The following AASS variants were observed in gnomAD, a reference collection of about 807,000 sequenced individuals.
AASS encodes the protein aminoadipate-semialdehyde synthase, also known as alpha-aminoadipic semialdehyde synthase, mitochondrial.
Under a neutral mutation model 105.4 loss-of-function variants are expected in AASS, and 86 were observed. The ratio of observed to expected loss-of-function variants is 0.82; its 90% confidence interval spans 0.69 to 0.98. The LOEUF is 0.98. AASS is among the 50% of genes least tolerant of loss of function. The pLI is 0.00. For synonymous variants in AASS, 381 were observed against 394.8 expected (o/e 0.96, Z 0.41); for missense variants, 1,048 against 1,143.2 (o/e 0.92, Z 1.20).
rs1793101877 is a variant in AASS at position 122,077,896 on chromosome 7, T to C, written c.2604A>G (p.Ser868=). The change falls in exon 23 of 24, where the codon TCA becomes TCG. Residue 868 remains serine, a synonymous_variant. Transcript: ENST00000417368. ...LVAYGDINGF[S]AMAKTVGLPT... ...GTAACCCCACGGTTTTAGCCATGGC[T>C]GAAAAGCCATTGATGTCCCCATAAG... The C allele has an allele frequency of 6.2e-7, 1 of 1,614,212 alleles. No homozygotes were observed. Among genetic ancestry groups the C allele is most frequent in the Middle Eastern group, 1.6e-4 (1 of 6,062 alleles).
rs1400651582 is a variant in AASS at position 122,127,736 on chromosome 7, C to T, written c.388-1277G>A. On this transcript the variant is annotated intron_variant, in intron 3 of 23. Transcript: ENST00000417368. ...ACCCTCCAATCCTCTGCCCTAATCT[C>T]GGATCCTAGCTCTAACATCTGGAAG... Among the ~76,000 whole-genome samples the T allele has an allele frequency of 8.5e-5, 13 of 152,214 alleles. No individual in the cohort carries two copies. The East Asian group carries it at 1.5e-3, about 18-fold the overall frequency.
At chr7:122,087,309 AAAGGGCTATGCT>A (rs1793677630) in intron 18 of AASS, among the ~76,000 whole-genome samples, 1 of 152,176 alleles carries the variant, frequency 6.6e-6, no homozygotes, top group African/African-American at 2.4e-5. Flanking sequence ...CCCAGAAAGA[AAAGGGCTATGCT>A]GACTGCAATG....
At chr7:122,111,484 T>C (rs150716014) in intron 11 of AASS, among the ~76,000 whole-genome samples, 42 of 152,246 alleles carry the variant, frequency 2.8e-4, no homozygotes, top group African/African-American at 9.4e-4. Flanking sequence ...CAAAGGGAAA[T>C]GAATGAAGAA....
intron 15 of AASS, among the ~76,000 whole-genome samples, chr7:122,093,751 AGT>A (rs1394608795): frequency 5.9e-5 from 9 of 152,128 alleles, no homozygotes; most frequent in Non-Finnish European, 1.3e-4. Context: ...TCAAGGCTGC[AGT>A]GAGTTGAGAT....
At position 122,113,212 on chromosome 7, in the gene AASS, A is replaced by T. The variant is rs1795015542; in HGVS notation, c.1184T>A (p.Ile395Asn). 2 of 1,614,014 alleles carry T rather than the reference A, an allele frequency of 1.2e-6. No individual in the cohort carries two copies. Among genetic ancestry groups the T allele is most frequent in the East Asian group, 4.5e-5 (2 of 44,846 alleles). Residue 395 changes from isoleucine to asparagine, a missense_variant, in exon 11 of 24, where the codon ATC becomes AAC. Transcript: ENST00000417368. ...CAAATTGTCAATGGAACACATCAGG[A>T]TCCCCGAGCCTTCAACACTAAAAGC... is the stretch of plus-strand genomic sequence containing the variant. ...IIHDSVEGSG[I>N]LMCSIDNLPA... is the part of the protein sequence containing the mutation.
At chr7:122,109,920 G>T (rs910548126) in intron 11 of AASS, among the ~76,000 whole-genome samples, 9 of 151,934 alleles carry the variant, frequency 5.9e-5, no homozygotes, top group African/African-American at 2.2e-4. Flanking sequence ...GTCTCACAAG[G>T]AAGTAATACT....
intron 22 of AASS, 91 bp downstream of exon 22, chr7:122,078,771 G>T (rs1793161324): frequency 8.2e-7 from 1 of 1,226,172 alleles, no homozygotes. Flanking sequence ...CATTCCTGCT[G>T]CTTGGGGCCA....
At chr7:122,140,006 T>C (rs1796313088) in intron 1 of AASS, among the ~76,000 whole-genome samples, 1 of 152,114 alleles carries the variant, frequency 6.6e-6, no homozygotes, top group African/African-American at 2.4e-5. Flanking sequence ...TTGCAGTTTT[T>C]ATAAGGGAAC....
intron 13 of AASS, among the ~76,000 whole-genome samples, chr7:122,100,310 T>A (rs1794367868): frequency 6.6e-6 from 1 of 151,846 alleles, no homozygotes; most frequent in Admixed American, 6.6e-5. Context: ...GACCATCGGA[T>A]GATGAGAACC....
At chr7:122,085,117 A>C (rs1448304151) in intron 19 of AASS, among the ~76,000 whole-genome samples, 1 of 152,198 alleles carries the variant, frequency 6.6e-6, no homozygotes, top group Non-Finnish European at 1.5e-5. Flanking sequence ...GATGCAACAC[A>C]GTGAGACACA....
chr7:122,138,096 CA>C (rs1796236505), intron 1 of AASS, among the ~76,000 whole-genome samples: 1 of 152,162 alleles, frequency 6.6e-6, no homozygotes, highest in East Asian at 1.9e-4. Flanking sequence ...TGAAGGTTAA[CA>C]TTTCAAATAT....
At position 122,111,213 on chromosome 7, in the gene AASS, A is replaced by C. The variant is rs1794916202; in HGVS notation, c.1278+1905T>G. On this transcript the variant is annotated intron_variant, in intron 11 of 23. Transcript: ENST00000417368. ...TGTTCCATGCAATAACGAAAAATACACTCATAATTAATGAAAAGATAGAAA... is the reference window on the plus strand; with the variant it reads ...TGTTCCATGCAATAACGAAAAATACCCTCATAATTAATGAAAAGATAGAAA... Among the ~76,000 whole-genome samples the C allele has an allele frequency of 2.6e-5, 4 of 152,308 alleles. No individual in the cohort carries two copies. In the South Asian group the frequency reaches 8.3e-4, roughly 32 times the overall value.
At chr7:122,101,574 G>A in intron 12 of AASS, 47 bp downstream of exon 12, 1 of 1,532,186 alleles carries the variant, frequency 6.5e-7, no homozygotes, top group South Asian at 1.1e-5. Context: ...AGCAAAAATG[G>A]TAGTAAAAAA....
intron 19 of AASS, chr7:122,082,719 G>A (rs1793420065): frequency 1.5e-5 from 12 of 815,920 alleles, no homozygotes; most frequent in African/African-American, 1.8e-5. Flanking sequence ...CTGTAGTAGA[G>A]TATTATATTA....
At chr7:122,144,023 C>G (rs1796522174) in intron 1 of AASS, 138 bp downstream of exon 1, 2 of 152,172 alleles carry the variant, frequency 1.3e-5, no homozygotes, top group African/African-American at 2.4e-5. Flanking sequence ...CGCCTCGCGG[C>G]GCCGGGACCC....
rs1792908072 is a variant in AASS, at chr7:122,074,432, T to G, written c.*2057A>C. On this transcript the variant is annotated 3_prime_UTR_variant, in exon 24 of 24. Transcript: ENST00000417368. ...AAAAAAATTATCTCATTCTGTGGGT[T>G]GTATTTTTGCTTTCTTGATATTGTC... 6.6e-6 allele frequency among the ~76,000 whole-genome samples: 1 copy of G among 152,348 alleles called. No homozygotes were observed. Among genetic ancestry groups the G allele is most frequent in the Admixed American group, 6.5e-5 (1 of 15,294 alleles).
intron 13 of AASS, 101 bp from the exon 14 acceptor site, chr7:122,098,967 AAAT>A: frequency 7.9e-7 from 1 of 1,269,374 alleles, no homozygotes. Context: ...ACTAAAACCT[AAAT>A]AATGAAGCAA....
intron 20 of AASS, among the ~76,000 whole-genome samples, chr7:122,080,719 G>A (rs1793273475): frequency 1.3e-5 from 2 of 152,120 alleles, no homozygotes; most frequent in African/African-American, 2.4e-5. Flanking sequence ...AATATATCAT[G>A]TCCTCCATAA....
chr7:122,135,581 T>C (rs796579588), intron 1 of AASS, among the ~76,000 whole-genome samples: 32 of 152,288 alleles, frequency 2.1e-4, no homozygotes, highest in African/African-American at 7.7e-4. Flanking sequence ...ATGATGAATG[T>C]AACGGGCTTC....
Sources: gnomAD v4.1 joint callset for allele counts (sites outside exome capture counted in the v4.1 genomes callset) on GRCh38, gnomAD v4.1.1 for gene constraint, MANE v1.5 for transcripts, NCBI Gene and HGNC (gene_info 2026-07-23, HGNC 2026-07-21) for gene names.